The following KCTD3 variants were observed in gnomAD, a reference collection of about 807,000 sequenced individuals.
The protein encoded by KCTD3 is potassium channel tetramerization domain containing 3.
In KCTD3, 41 loss-of-function variants were observed where a neutral mutation model predicts 85.8. The observed-to-expected ratio is 0.48, with a 90% CI of 0.37 to 0.62. KCTD3 has a LOEUF of 0.62. Ranked by LOEUF, KCTD3 falls within the 20% of genes least tolerant of loss-of-function variation. The pLI is 0.00. For synonymous variants in KCTD3, 338 were observed against 345.4 expected, an observed-to-expected ratio of 0.98 and a Z score of 0.24; for missense variants, 724 against 989.9, an observed-to-expected ratio of 0.73 and a Z score of 3.60.
chr1:215,596,772 G>A (rs1231736663), intron 10 of KCTD3, among the ~76,000 whole-genome samples: 5 of 152,116 alleles, frequency 3.3e-5, no homozygotes, highest in Admixed American at 6.6e-5. Context: ...AAGATAATTG[G>A]TGCTTTATTT....
At chr1:215,574,650 A>G (rs1433256386) in intron 3 of KCTD3, among the ~76,000 whole-genome samples, 1 of 152,186 alleles carries the variant, frequency 6.6e-6, no homozygotes, top group Non-Finnish European at 1.5e-5. Context: ...TTGCAGATGA[A>G]ATAAGGCAAC....
At chr1:215,586,781 G>T in intron 9 of KCTD3, 96 bp downstream of exon 9, 1 of 936,200 alleles carries the variant, frequency 1.1e-6, no homozygotes. Context: ...AACCTGGACT[G>T]TCAGTTAGCT....
chr1:215,597,524 A>G (rs1654646806), intron 10 of KCTD3, among the ~76,000 whole-genome samples: 2 of 152,194 alleles, frequency 1.3e-5, no homozygotes, highest in Admixed American at 1.3e-4. Context: ...TATGTACTTT[A>G]CTTCCTAAAG....
At chr1:215,591,767 C>T (rs1660235760) in intron 9 of KCTD3, among the ~76,000 whole-genome samples, 1 of 152,206 alleles carries the variant, frequency 6.6e-6, no homozygotes, top group African/African-American at 2.4e-5. Flanking sequence ...GCACAGTTCC[C>T]TTCCTTCTTG....
At chr1:215,572,409 T>C (rs1659401348) in intron 1 of KCTD3, among the ~76,000 whole-genome samples, 1 of 152,214 alleles carries the variant, frequency 6.6e-6, no homozygotes, top group Non-Finnish European at 1.5e-5. Flanking sequence ...ATGTAAAATA[T>C]TATGAGCCAT....
At chr1:215,596,876 G>A (rs187850042) in intron 10 of KCTD3, among the ~76,000 whole-genome samples, 138 of 152,206 alleles carry the variant, frequency 9.1e-4, no homozygotes, top group African/African-American at 2.6e-3. Context: ...GATTATTTCC[G>A]GTCCCATAAA....
At chr1:215,595,601 T>A in intron 10 of KCTD3, 130 bp downstream of exon 10, 1 of 577,874 alleles carries the variant, frequency 1.7e-6, no homozygotes, top group Non-Finnish European at 3.0e-6. Context: ...AATGTAGTGG[T>A]AAATTTTTTT....
At chr1:215,604,035 C>T (rs1009218786) in intron 12 of KCTD3, 97 bp from the exon 13 acceptor site, 1 of 897,882 alleles carries the variant, frequency 1.1e-6, no homozygotes, top group Admixed American at 2.7e-5. Flanking sequence ...AACAGTGAAT[C>T]CAGCTCTGCC....
At chr1:215,618,762 A>T in intron 15 of KCTD3, 124 bp from the exon 16 acceptor site, 1 of 722,524 alleles carries the variant, frequency 1.4e-6, no homozygotes, top group Non-Finnish European at 2.2e-6. Flanking sequence ...ATTTTAAATG[A>T]TTTTTTAAAA....
intron 8 of KCTD3, among the ~76,000 whole-genome samples, chr1:215,585,215 G>T (rs1659963436): frequency 6.6e-6 from 1 of 152,138 alleles, no homozygotes; most frequent in Non-Finnish European, 1.5e-5. Flanking sequence ...TGTTTATTAG[G>T]TAAGTATTTA....
Position 215,591,815 on chromosome 1 carries a change from T to G in KCTD3, c.818-3541T>G, listed in dbSNP as rs78526152. Reference sequence around the variant, plus strand: ...TAACTCTAGCCTCAAGTTCTTCGCCTCCTCAGTTCAGGGAAATCATCTGTC... The same window carrying G: ...TAACTCTAGCCTCAAGTTCTTCGCCGCCTCAGTTCAGGGAAATCATCTGTC... On this transcript the variant is annotated intron_variant, in intron 9 of 17. Coordinates refer to ENST00000259154, the MANE Select transcript of KCTD3 (RefSeq NM_016121.5). 7.8e-3 allele frequency among the ~76,000 whole-genome samples: 1,182 copies of G among 152,306 alleles called. 23 individuals are homozygous for G. The highest frequency in any genetic ancestry group is 0.068 in the South Asian group (326 of 4,822).
chr1:215,569,204 C>T (rs1344800840), intron 1 of KCTD3, among the ~76,000 whole-genome samples: 1 of 151,388 alleles, frequency 6.6e-6, no homozygotes, highest in African/African-American at 2.4e-5. Flanking sequence ...TCACTGCAGC[C>T]TCTGCCTCCC....
chr1:215,615,825 T>C (rs148471152), intron 15 of KCTD3, among the ~76,000 whole-genome samples: 1 of 152,104 alleles, frequency 6.6e-6, no homozygotes, highest in Non-Finnish European at 1.5e-5. Context: ...AAAGTGTCCA[T>C]TTTTATGCTT....
chr1:215,584,243 T>G (rs1438896218), intron 8 of KCTD3, among the ~76,000 whole-genome samples: 2 of 152,206 alleles, frequency 1.3e-5, no homozygotes, highest in Non-Finnish European at 2.9e-5. Flanking sequence ...ACAAATCTAA[T>G]AAAAAGCATA....
At chr1:215,586,829 G>A (rs1660027253) in intron 9 of KCTD3, 144 bp downstream of exon 9, 1 of 605,950 alleles carries the variant, frequency 1.7e-6, no homozygotes, top group South Asian at 3.3e-5. Context: ...GGAATGATCT[G>A]ATAATGAAGG....
intron 8 of KCTD3, among the ~76,000 whole-genome samples, chr1:215,582,622 C>T (rs1056127274): frequency 9.9e-5 from 15 of 152,168 alleles, no homozygotes; most frequent in South Asian, 8.3e-4. Context: ...AGTGCAGTGG[C>T]GTGATCTCGG....
chr1:215,578,701 TA>T (rs1187391321), intron 6 of KCTD3, among the ~76,000 whole-genome samples: 4 of 152,200 alleles, frequency 2.6e-5, no homozygotes, highest in African/African-American at 7.2e-5. Flanking sequence ...ACCATAATTG[TA>T]AAGAGTGGCT....
rs76553829 is a variant in KCTD3, at chr1:215,621,736, A to G, written c.*1118A>G. On this transcript the variant is annotated 3_prime_UTR_variant, in exon 18 of 18. Transcript: ENST00000259154. ...AAATAAAATCTTTAAAATTTACTAT[A>G]TTGCCAGTGGTTTCACAACAGTTCT... is the stretch of plus-strand genomic sequence containing the variant. The G allele has an allele frequency of 3.3e-5, 5 of 152,668 alleles. No homozygotes were observed. The East Asian group carries it at 9.6e-4, about 29-fold the overall frequency. 9.5% of individuals were successfully genotyped at this position (152,668 alleles called of 1,614,324 possible).
chr1:215,580,088 T>G (rs1053669191), intron 8 of KCTD3, 89 bp downstream of exon 8: 1 of 845,774 alleles, frequency 1.2e-6, no homozygotes, highest in Non-Finnish European at 1.9e-6. Context: ...AAAGCTATTT[T>G]TTTTTAGTCA....
Sources: gnomAD v4.1 joint callset for allele counts (sites outside exome capture counted in the v4.1 genomes callset) on GRCh38, gnomAD v4.1.1 for gene constraint, MANE v1.5 for transcripts, NCBI Gene and HGNC (gene_info 2026-07-23, HGNC 2026-07-21) for gene names.